GRXCR1: variants seen among roughly 807,000 people sequenced by gnomAD.
GRXCR1 encodes the protein glutaredoxin domain-containing cysteine-rich protein 1.
GRXCR1 carries 27 observed loss-of-function variants against 27.3 expected under a neutral mutation model. The observed-to-expected ratio is 0.99, with a 90% CI of 0.73 to 1.37. The LOEUF (loss-of-function observed/expected upper bound fraction) is 1.37. GRXCR1 is among the 40% of genes most tolerant of loss of function. The pLI, the probability that GRXCR1 is intolerant of heterozygous loss-of-function variation, is 0.00. For synonymous variants in GRXCR1, 122 were observed against 131.1 expected, an observed-to-expected ratio of 0.93 and a Z score of 0.47; for missense variants, 379 against 354.4, an observed-to-expected ratio of 1.07 and a Z score of -0.56.
At chr4:43,007,394 A>G (rs1712596789) in intron 2 of GRXCR1, among the ~76,000 whole-genome samples, 2 of 152,178 alleles carry the variant, frequency 1.3e-5, no homozygotes, top group African/African-American at 2.4e-5. Context: ...GCCATGCTGT[A>G]CAGGATCCTG....
At chr4:43,016,241 T>A (rs953135090) in intron 2 of GRXCR1, among the ~76,000 whole-genome samples, 1 of 152,300 alleles carries the variant, frequency 6.6e-6, no homozygotes, top group African/African-American at 2.4e-5. Flanking sequence ...TGCTAGGATG[T>A]TTTATTGAAC....
At position 42,966,995 on chromosome 4, in the gene GRXCR1, C is replaced by T. The variant is rs150951983; in HGVS notation, c.627+3861C>T. On this transcript the variant is annotated intron_variant, in intron 2 of 3. Transcript: ENST00000399770. The stretch of plus-strand genomic sequence containing the variant: ...GTATTTTCTTAAGTCTGTGGCTTGT[C>T]TTTTCGTTCTCTTGACAATGTCTCT... Among the ~76,000 whole-genome samples, 480 of 152,004 alleles carry T rather than the reference C, an allele frequency of 3.2e-3. 5 individuals are homozygous for T. Among genetic ancestry groups the T allele is most frequent in the African/African-American group, 0.011 (465 of 41,490 alleles).
rs541848217 is a variant in GRXCR1, at chr4:43,027,996, C to T, written c.694-2365C>T. Reference sequence around the variant, plus strand: ...TGGTGACATGCACCTGTAATCCCAGCTTCTTGGGAGGCTGAGGCAGGAGAA... The same window carrying T: ...TGGTGACATGCACCTGTAATCCCAGTTTCTTGGGAGGCTGAGGCAGGAGAA... On this transcript the variant is annotated intron_variant, in intron 3 of 3. Coordinates refer to ENST00000399770, the MANE Select transcript of GRXCR1 (RefSeq NM_001080476.3). Among the ~76,000 whole-genome samples, 17 of 152,128 alleles carry T rather than the reference C, an allele frequency of 1.1e-4. No homozygotes were observed. In the South Asian group the frequency reaches 3.5e-3, roughly 32 times the overall value.
At chr4:43,014,170 C>A (rs534299174) in intron 2 of GRXCR1, among the ~76,000 whole-genome samples, 6 of 152,088 alleles carry the variant, frequency 3.9e-5, no homozygotes, top group African/African-American at 1.2e-4. Flanking sequence ...GCCTTTACTG[C>A]ATTTTTAAAG....
chr4:42,953,173 C>A (rs752943436), intron 1 of GRXCR1, among the ~76,000 whole-genome samples: 11 of 152,102 alleles, frequency 7.2e-5, no homozygotes, highest in Admixed American at 1.3e-4. Flanking sequence ...AAAACAATGG[C>A]CACAGCAAGA....
intron 1 of GRXCR1, among the ~76,000 whole-genome samples, chr4:42,946,225 G>A (rs924438640): frequency 7.2e-5 from 11 of 152,102 alleles, no homozygotes; most frequent in African/African-American, 2.2e-4. Context: ...AGTCATCATC[G>A]TTATGTTAAA....
intron 1 of GRXCR1, among the ~76,000 whole-genome samples, chr4:42,962,521 T>C (rs1170584687): frequency 6.6e-6 from 1 of 151,922 alleles, no homozygotes; most frequent in Non-Finnish European, 1.5e-5. Context: ...GACTATTCTG[T>C]GGCATAAACT....
intron 1 of GRXCR1, among the ~76,000 whole-genome samples, chr4:42,920,898 A>T (rs554074622): frequency 8.9e-4 from 132 of 148,674 alleles, no homozygotes; most frequent in African/African-American, 3.3e-3. Context: ...TTCCCAGTCT[A>T]CTTTGCTATG....
chr4:42,982,534 A>C (rs1471706016), intron 2 of GRXCR1, among the ~76,000 whole-genome samples: 3 of 118,082 alleles, frequency 2.5e-5, no homozygotes, highest in Non-Finnish European at 5.3e-5. Context: ...ATGTGTCTTT[A>C]TAGCAGCATG....
chr4:43,025,919 T>C (rs1384992130), intron 3 of GRXCR1, among the ~76,000 whole-genome samples: 3 of 146,460 alleles, frequency 2.0e-5, no homozygotes, highest in Non-Finnish European at 3.0e-5. Context: ...GAGCTTGCAG[T>C]GAGCTGAGAT....
intron 1 of GRXCR1, among the ~76,000 whole-genome samples, chr4:42,937,274 CTTTTTTA>C (rs1280079865): frequency 1.4e-4 from 2 of 14,452 alleles, no homozygotes; most frequent in Non-Finnish European, 3.1e-4. Flanking sequence ...ATATTGAGGT[CTTTTTTA>C]TTTTTATTTT....
intron 1 of GRXCR1, among the ~76,000 whole-genome samples, chr4:42,954,941 C>T (rs892667436): frequency 7.9e-5 from 12 of 152,142 alleles, no homozygotes; most frequent in Non-Finnish European, 1.3e-4. Flanking sequence ...GATTTATTTA[C>T]TCAAATTTAG....
At chr4:43,007,900 A>G (rs958675708) in intron 2 of GRXCR1, among the ~76,000 whole-genome samples, 1 of 152,140 alleles carries the variant, frequency 6.6e-6, no homozygotes, top group African/African-American at 2.4e-5. Flanking sequence ...TTAACTGGCT[A>G]ATTTTACACT....
intron 1 of GRXCR1, among the ~76,000 whole-genome samples, chr4:42,930,667 A>G (rs1393072754): frequency 6.6e-6 from 1 of 151,920 alleles, no homozygotes; most frequent in African/African-American, 2.4e-5. Context: ...GTCTGGGTTA[A>G]AGTTTTAGTT....
chr4:42,929,320 AG>A (rs1270515059), intron 1 of GRXCR1, among the ~76,000 whole-genome samples: 23 of 152,056 alleles, frequency 1.5e-4, no homozygotes, highest in African/African-American at 5.5e-4. Context: ...AGGTTTGCAC[AG>A]TGGCCTATAA....
chr4:42,895,288 TC>T (rs920886773), intron 1 of GRXCR1, among the ~76,000 whole-genome samples: 30 of 152,140 alleles, frequency 2.0e-4, no homozygotes, highest in African/African-American at 7.0e-4. Flanking sequence ...ACTGCCTTTT[TC>T]TAATAATTTA....
At chr4:43,003,068 C>T (rs1577940503) in intron 2 of GRXCR1, among the ~76,000 whole-genome samples, 1 of 152,140 alleles carries the variant, frequency 6.6e-6, no homozygotes, top group East Asian at 1.9e-4. Flanking sequence ...TGAAGAAGAT[C>T]CTTTCTTCCC....
At chr4:43,001,621 C>T (rs1330155618) in intron 2 of GRXCR1, among the ~76,000 whole-genome samples, 1 of 152,090 alleles carries the variant, frequency 6.6e-6, no homozygotes, top group Non-Finnish European at 1.5e-5. Flanking sequence ...GTGTGTGATA[C>T]CTCATTATGT....
In GRXCR1 at chr4:42,904,892, G is replaced by A. The variant is rs531937613; in HGVS notation, c.384+11242G>A. 7.9e-5 allele frequency among the ~76,000 whole-genome samples: 12 copies of A among 152,276 alleles called. No homozygotes were observed. The South Asian group carries it at 2.5e-3, about 32-fold the overall frequency. ...GAACTCAAGAGCTTATTAAGGAACA[G>A]AGGTGGGACATCTGACCCAATTCTA... On this transcript the variant is annotated intron_variant, in intron 1 of 3. Coordinates refer to ENST00000399770, the MANE Select transcript of GRXCR1 (RefSeq NM_001080476.3).
Sources: allele counts gnomAD v4.1 joint callset (sites outside exome capture counted in the v4.1 genomes callset), GRCh38; gene constraint gnomAD v4.1.1; transcripts MANE v1.5; gene names NCBI Gene and HGNC (gene_info 2026-07-23, HGNC 2026-07-21).